The following CHRNG variants were observed in gnomAD, a reference collection of about 807,000 sequenced individuals.
CHRNG encodes the protein acetylcholine receptor subunit gamma.
A neutral mutation model predicts 65.2 loss-of-function variants in CHRNG; 72 were observed. The observed-to-expected ratio is 1.10, with a 90% CI of 0.91 to 1.34. The LOEUF (loss-of-function observed/expected upper bound fraction) is 1.34. Ranked by LOEUF, CHRNG falls within the 40% of genes most tolerant of loss-of-function variation. The pLI is 0.00. For missense variants in CHRNG, 637 were observed against 680.1 expected, an observed-to-expected ratio of 0.94 and a Z score of 0.70; for synonymous variants, 284 against 290.2, an observed-to-expected ratio of 0.98 and a Z score of 0.22.
In CHRNG at chr2:232,540,039, C is replaced by T; in HGVS notation, c.103C>T (p.Gln35Ter). 6.2e-7 allele frequency: 1 copy of T among 1,614,210 alleles called. No homozygotes were observed. Among genetic ancestry groups the T allele is most frequent in the East Asian group, 2.2e-5 (1 of 44,884 alleles). ...GGAGCGCCTGCTCGCAGACCTGATG[C>T]AAAACTACGACCCCAACCTGCGGCC... ...QEERLLADLMQNYDPNLRPAE... is the reference protein window; with the variant it reads ...QEERLLADLM Residue 35 changes from glutamine (Q) to a stop codon, truncating the protein, a stop_gained, in exon 2 of 12, where the codon CAA becomes TAA. Coordinates refer to ENST00000651502, the MANE Select transcript of CHRNG (RefSeq NM_005199.5). LOFTEE classifies it high-confidence loss of function. This position sits in a 1 kb window ranked among gnomAD's most constrained non-coding sequence, Gnocchi z 4.2.
Position 232,545,701 on chromosome 2 carries a change from G to GC in CHRNG, c.1542dup (p.Ser515LeufsTer84). The GC allele has an allele frequency of 6.2e-7, 1 of 1,614,162 alleles. No individual in the cohort carries two copies. The highest frequency in any genetic ancestry group is 8.5e-7 in the Non-Finnish European group (1 of 1,180,052). Reference sequence around the variant, plus strand: ...TCCCTGGAGATCCACGCCCCTACCTGCCCTCACCAGACTGAGCCAACCAAC... The same window carrying GC: ...TCCCTGGAGATCCACGCCCCTACCTGCCCCTCACCAGACTGAGCCAACCAAC... On this transcript the variant is annotated frameshift_variant, in exon 12 of 12. Transcript: ENST00000651502. LOFTEE classifies it high-confidence loss of function.
At position 232,542,489 on chromosome 2, in the gene CHRNG, G is replaced by A. The variant is rs771417982; in HGVS notation, c.573G>A (p.Glu191=). Residue 191 remains glutamate, a synonymous_variant, in exon 6 of 12, where the codon GAG becomes GAA. Transcript: ENST00000651502. ...QLSQEDGQTI[E]WIFIDPEAFT... is the part of the protein sequence containing the mutation. ...GTCAGGAAGATGGCCAGACCATCGA[G>A]TGGATTTTCATTGACCCTGAGGCCT... 6.8e-5 allele frequency: 110 copies of A among 1,613,840 alleles called. No individual in the cohort carries two copies. The highest frequency in any genetic ancestry group is 3.0e-4 in the Admixed American group (18 of 60,004).
Position 232,541,519 on chromosome 2 carries a change from C to G in CHRNG, c.496C>G (p.Leu166Val), listed in dbSNP as rs1692017884. The G allele has an allele frequency of 6.2e-7, 1 of 1,613,766 alleles. No individual in the cohort carries two copies. Among genetic ancestry groups the G allele is most frequent in the Admixed American group, 1.7e-5 (1 of 60,008 alleles). Residue 166 changes from leucine (L) to valine (V), a missense_variant, in exon 5 of 12, where the codon CTT becomes GTT. Transcript: ENST00000651502. The surrounding 1 kb of genome is among the most constrained non-coding windows in gnomAD (Gnocchi z 4.0). ...YFPFDWQNCS[L>V]IFQSQTYSTN... ...CCCCTTCGACTGGCAGAACTGCTCC[C>G]TTATCTTCCAGTGAGGCCATTTATT... is the stretch of plus-strand genomic sequence containing the variant.
intron 7 of CHRNG, 41 bp from the exon 8 acceptor site, chr2:232,543,234 G>T (rs1242514276): frequency 6.4e-7 from 1 of 1,566,476 alleles, no homozygotes; most frequent in Non-Finnish European, 8.8e-7. Context: ...GTGGGTGGGG[G>T]AGGTAGGAAC....
intron 11 of CHRNG, 52 bp from the exon 12 acceptor site, chr2:232,545,491 G>A: frequency 6.5e-7 from 1 of 1,532,408 alleles, no homozygotes; most frequent in Non-Finnish European, 8.9e-7. Context: ...ACAGGACCCA[G>A]GGAAGACCTG....
At chr2:232,545,333 G>GAAA (rs1692105371) in intron 11 of CHRNG, among the ~76,000 whole-genome samples, 1 of 146,462 alleles carries the variant, frequency 6.8e-6, no homozygotes, top group Non-Finnish European at 1.5e-5. Context: ...AAAAAAAAAA[G>GAAA]GAAAGAAAGA....
Position 232,541,334 on chromosome 2 carries a change from A to G in CHRNG, c.351-40A>G. On this transcript the variant is annotated intron_variant, in intron 4 of 11. Coordinates refer to ENST00000651502, the MANE Select transcript of CHRNG (RefSeq NM_005199.5). This position sits in a 1 kb window ranked among gnomAD's most constrained non-coding sequence, Gnocchi z 4.0. The stretch of plus-strand genomic sequence containing the variant: ...TCTGGGGCTGGGGTGTCGGGGGCTG[A>G]GCCCACAGCCTCGTGGCCTGGCCTG... 6.2e-7 allele frequency: 1 copy of G among 1,613,428 alleles called. No homozygotes were observed. Among genetic ancestry groups the G allele is most frequent in the African/African-American group, 1.3e-5 (1 of 74,936 alleles).
chr2:232,540,756 G>T lies in CHRNG; in HGVS notation c.350+45G>T, dbSNP rs1691999073. 1.3e-6 allele frequency: 2 copies of T among 1,535,682 alleles called. No individual in the cohort carries two copies. Among genetic ancestry groups the T allele is most frequent in the South Asian group, 1.1e-5 (1 of 87,714 alleles). On this transcript the variant is annotated intron_variant, in intron 4 of 11. Coordinates refer to ENST00000651502, the MANE Select transcript of CHRNG (RefSeq NM_005199.5). The surrounding 1 kb of genome is among the most constrained non-coding windows in gnomAD (Gnocchi z 4.2). The stretch of plus-strand genomic sequence containing the variant: ...AGGGGTGTGGGGGACAAAGGACACA[G>T]GGTCTGGGCCCAGCAGAACAAGGCA...
chr2:232,547,345 G>A lies in CHRNG; in HGVS notation c.*1629G>A, dbSNP rs1486683010. On this transcript the variant is annotated 3_prime_UTR_variant, in exon 12 of 12. Transcript: ENST00000651502. The stretch of plus-strand genomic sequence containing the variant: ...AGGTGGGAGGATCGCTTGAGCCCAG[G>A]AGGTCTAGGCTGCAGTGAGCTGTGA... Among the ~76,000 whole-genome samples, 1 of 152,136 alleles carries A rather than the reference G, an allele frequency of 6.6e-6. No homozygotes were observed. The highest frequency in any genetic ancestry group is 1.5e-5 in the Non-Finnish European group (1 of 68,030).
chr2:232,543,449 G>A lies in CHRNG; in HGVS notation c.920+60G>A, dbSNP rs915800755. The A allele has an allele frequency of 5.9e-6, 8 of 1,361,824 alleles. No homozygotes were observed. The African/African-American group carries it at 1.0e-4, about 17-fold the overall frequency. 84.4% of individuals were successfully genotyped at this position (1,361,824 alleles called of 1,614,324 possible). ...ACTCTCCCTTCTTGGGAGCATGATG[G>A]CCTCCTGCATTGCCCTCTTGCCCTC... On this transcript the variant is annotated intron_variant, in intron 8 of 11. Transcript: ENST00000651502.
Position 232,545,362 on chromosome 2 carries a change from CA to C in CHRNG, c.1381-180del, listed in dbSNP as rs5839437. ...AGAAAGAAAGAAAAAGGAACAGGGG[CA>C]GGGGGGGCACCTCAGGGCCAGGGGG... On this transcript the variant is annotated intron_variant, in intron 11 of 11. Transcript: ENST00000651502. Among the ~76,000 whole-genome samples the C allele has an allele frequency of 0.22, 33,527 of 150,412 alleles. 4,461 individuals carry two copies. The highest frequency in any genetic ancestry group is 0.36 in the East Asian group (1,840 of 5,062).
rs778414287 is a variant in CHRNG, at chr2:232,540,107, A to G, written c.171A>G (p.Leu57=). Reference sequence around the variant, plus strand: ...ATGTGGTCAATGTCAGCCTGAAGCTAACCCTCACCAACCTCATCTCCCTGG... The same window carrying G: ...ATGTGGTCAATGTCAGCCTGAAGCTGACCCTCACCAACCTCATCTCCCTGG... ...DSDVVNVSLK[L]TLTNLISLNE... is the part of the protein sequence containing the mutation. Residue 57 remains leucine (L), a synonymous_variant, in exon 2 of 12, where the codon CTA becomes CTG. Transcript: ENST00000651502. This position sits in a 1 kb window ranked among gnomAD's most constrained non-coding sequence, Gnocchi z 4.2. The G allele has an allele frequency of 1.2e-6, 2 of 1,614,196 alleles. No homozygotes were observed. Among genetic ancestry groups the G allele is most frequent in the Non-Finnish European group, 1.7e-6 (2 of 1,180,006 alleles).
chr2:232,544,550 G>C lies in CHRNG; in HGVS notation c.1219G>C (p.Gly407Arg). 4 of 1,613,684 alleles carry C rather than the reference G, an allele frequency of 2.5e-6. No individual in the cohort carries two copies. Among genetic ancestry groups the C allele is most frequent in the Non-Finnish European group, 3.4e-6 (4 of 1,179,906 alleles). ...CCTCTTCCAGCAGTGGCAGCGGCAA[G>C]GGCTGGTGGCGGCAGCGCTGGAGAA... ...ELLFQQWQRQ[G>R]LVAAALEKLE... Residue 407 changes from glycine (G) to arginine (R), a missense_variant, in exon 10 of 12, where the codon GGG becomes CGG. By Grantham distance (125) the Gly-to-Arg change is moderately radical. Coordinates refer to ENST00000651502, the MANE Select transcript of CHRNG (RefSeq NM_005199.5).
At position 232,541,681 on chromosome 2, in the gene CHRNG, G is replaced by A; in HGVS notation, c.506+152G>A. ...CCCTGGGCCTCTGTGCCCATCTCAGGCTAAGACACCTGAAGGTGCCCAAGC... is the reference window on the plus strand; with the variant it reads ...CCCTGGGCCTCTGTGCCCATCTCAGACTAAGACACCTGAAGGTGCCCAAGC... On this transcript the variant is annotated intron_variant, in intron 5 of 11. Coordinates refer to ENST00000651502, the MANE Select transcript of CHRNG (RefSeq NM_005199.5). This position sits in a 1 kb window ranked among gnomAD's most constrained non-coding sequence, Gnocchi z 4.0. The A allele has an allele frequency of 2.1e-6, 2 of 940,810 alleles. No homozygotes were observed. The highest frequency in any genetic ancestry group is 4.9e-5 in the East Asian group (2 of 41,128). The allele number at this position is 940,810 out of a possible 1,614,324, so 58.3% of individuals were successfully genotyped here.
chr2:232,545,394 G>T, intron 11 of CHRNG, 149 bp from the exon 12 acceptor site: 2 of 747,728 alleles, frequency 2.7e-6, no homozygotes, highest in Non-Finnish European at 2.3e-6. Flanking sequence ...GGGGGCCATG[G>T]AATTAGCCAC....
At position 232,544,769 on chromosome 2, in the gene CHRNG, C is replaced by G. The variant is rs1692092882; in HGVS notation, c.1250-3C>G. 1 of 1,613,874 alleles carries G rather than the reference C, an allele frequency of 6.2e-7. No homozygotes were observed. Among genetic ancestry groups the G allele is most frequent in the Non-Finnish European group, 8.5e-7 (1 of 1,179,896 alleles). On this transcript the variant is annotated splice_region_variant and splice_polypyrimidine_tract_variant and intron_variant, in intron 10 of 11. Transcript: ENST00000651502. Reference sequence around the variant, plus strand: ...CCCAAACCTTACCCTTTCTCTTTATCAGAGAAAGGCCCGGAGTTAGGGCTG... The same window carrying G: ...CCCAAACCTTACCCTTTCTCTTTATGAGAGAAAGGCCCGGAGTTAGGGCTG...
chr2:232,544,653 G>A, intron 10 of CHRNG, 73 bp downstream of exon 10: 1 of 1,560,792 alleles, frequency 6.4e-7, no homozygotes, highest in Admixed American at 1.7e-5. Context: ...CACAGCAGAT[G>A]AGTGCTGGAG....
rs1054955061 is a variant in CHRNG at position 232,546,788 on chromosome 2, C to T, written c.*1072C>T. On this transcript the variant is annotated 3_prime_UTR_variant, in exon 12 of 12. Transcript: ENST00000651502. ...TGAAGTCCAGAATTCCTGACTCTGA[C>T]CCAATCTGACACTCTAAGATTCTAC... Among the ~76,000 whole-genome samples, 2 of 152,148 alleles carry T rather than the reference C, an allele frequency of 1.3e-5. No homozygotes were observed. The highest frequency in any genetic ancestry group is 4.8e-5 in the African/African-American group (2 of 41,426).
chr2:232,545,306 G>A (rs369358701), intron 11 of CHRNG, among the ~76,000 whole-genome samples: 1 of 146,554 alleles, frequency 6.8e-6, no homozygotes, highest in Non-Finnish European at 1.5e-5. Flanking sequence ...AGTGAGACGT[G>A]AGACTCCGTC....
Sources: allele counts gnomAD v4.1 joint callset (sites outside exome capture counted in the v4.1 genomes callset), GRCh38; gene constraint gnomAD v4.1.1; non-coding constraint Gnocchi (gnomAD v3.1); transcripts MANE v1.5; gene names NCBI Gene and HGNC (gene_info 2026-07-23, HGNC 2026-07-21).